CLIP1: variants seen among roughly 807,000 people sequenced by gnomAD.
CLIP1 encodes the protein CAP-Gly domain-containing linker protein 1.
In CLIP1, 66 loss-of-function variants were observed where a neutral mutation model predicts 161.6. The observed-to-expected ratio is 0.41, with a 90% CI of 0.33 to 0.50. The LOEUF (loss-of-function observed/expected upper bound fraction) is 0.50, where lower values mean the gene tolerates loss of function less well. Ranked by LOEUF, CLIP1 falls within the 20% of genes least tolerant of loss-of-function variation. CLIP1 has a pLI of 0.27. For synonymous variants in CLIP1, 598 were observed against 626.2 expected (o/e 0.96, Z 0.67); for missense variants, 1,376 against 1,702.0 (o/e 0.81, Z 3.37).
chr12:122,351,549 TA>T (rs1351032777), intron 8 of CLIP1, among the ~76,000 whole-genome samples: 5 of 152,230 alleles, frequency 3.3e-5, no homozygotes, highest in Non-Finnish European at 5.9e-5. Flanking sequence ...ACTGTAAAGA[TA>T]CATTTATTTT....
rs1955225784 is a variant in CLIP1, at chr12:122,272,779, CAT to C, written c.*94_*95del. The C allele has an allele frequency of 5.7e-6, 6 of 1,061,434 alleles. No homozygotes were observed. Among genetic ancestry groups the C allele is most frequent in the African/African-American group, 3.2e-5 (2 of 63,486 alleles). The allele number at this position is 1,061,434 out of a possible 1,614,324, so 65.8% of individuals were successfully genotyped here. On this transcript the variant is annotated 3_prime_UTR_variant, in exon 26 of 26. Coordinates refer to ENST00000620786, the MANE Select transcript of CLIP1 (RefSeq NM_001247997.2). ...ATTTGTTGACGGGGTTAAAAAATAA[CAT>C]GAGTTCTCCTGAAGTCTGCACACAC... is the stretch of plus-strand genomic sequence containing the variant.
intron 1 of CLIP1, among the ~76,000 whole-genome samples, chr12:122,409,123 C>A (rs746659977): frequency 7.0e-6 from 1 of 142,262 alleles, no homozygotes; most frequent in East Asian, 2.2e-4. Flanking sequence ...TAATATTTTT[C>A]TTTTCTTTTT....
chr12:122,349,961 G>A (rs796364273), intron 9 of CLIP1, among the ~76,000 whole-genome samples: 24 of 151,492 alleles, frequency 1.6e-4, no homozygotes, highest in African/African-American at 5.8e-4. Context: ...CTGGAGTGCA[G>A]TGGCATGATC....
chr12:122,422,033 A>C (rs947402493), intron 1 of CLIP1, among the ~76,000 whole-genome samples: 1 of 152,170 alleles, frequency 6.6e-6, no homozygotes, highest in African/African-American at 2.4e-5. Context: ...GGTGCCCTCC[A>C]TGCCGGATCG....
chr12:122,313,021 T>C (rs1188523495), intron 19 of CLIP1, among the ~76,000 whole-genome samples: 3 of 152,188 alleles, frequency 2.0e-5, no homozygotes, highest in African/African-American at 7.2e-5. Flanking sequence ...CAGAAGGCCC[T>C]GGAAATCTGA....
intron 21 of CLIP1, among the ~76,000 whole-genome samples, chr12:122,287,081 G>A (rs867843218): frequency 6.6e-6 from 1 of 151,990 alleles, no homozygotes; most frequent in Non-Finnish European, 1.5e-5. Context: ...CTGAGAGGTC[G>A]GAAGATCAAT....
intron 10 of CLIP1, chr12:122,342,158 A>G (rs1952540245): frequency 1.3e-5 from 2 of 152,468 alleles, no homozygotes; most frequent in South Asian, 4.1e-4. Flanking sequence ...GAACGTTTAT[A>G]GGTTAATATA....
intron 1 of CLIP1, among the ~76,000 whole-genome samples, chr12:122,385,918 A>ATG (rs1308854578): frequency 6.6e-6 from 1 of 152,144 alleles, no homozygotes; most frequent in East Asian, 1.9e-4. Context: ...GAGGCTGGTG[A>ATG]TAGACAAGTT....
At chr12:122,292,861 G>A (rs1273448719) in intron 20 of CLIP1, among the ~76,000 whole-genome samples, 4 of 151,766 alleles carry the variant, frequency 2.6e-5, no homozygotes, top group Admixed American at 6.6e-5. Flanking sequence ...AAATTAGCCG[G>A]GCGCGGTGGT....
At chr12:122,330,675 CGGCACCCT>C (rs1951915948) in intron 15 of CLIP1, among the ~76,000 whole-genome samples, 1 of 141,514 alleles carries the variant, frequency 7.1e-6, no homozygotes, top group African/African-American at 2.6e-5. Flanking sequence ...TCTGAGCTCA[CGGCACCCT>C]CTGCCTCCCA....
intron 5 of CLIP1, chr12:122,356,099 G>C (rs1953334747): frequency 6.6e-6 from 1 of 152,188 alleles, no homozygotes; most frequent in African/African-American, 2.4e-5. Flanking sequence ...TTTTGTTCTT[G>C]AAATTACTTA....
intron 17 of CLIP1, chr12:122,324,271 T>TA (rs1264682129): frequency 6.6e-6 from 1 of 152,648 alleles, no homozygotes; most frequent in African/African-American, 2.4e-5. Context: ...TTTCTAACTT[T>TA]AAATCATTTC....
chr12:122,343,954 A>C (rs1418165406), intron 10 of CLIP1: 1 of 152,310 alleles, frequency 6.6e-6, no homozygotes, highest in African/African-American at 2.4e-5. Flanking sequence ...GAGGTGGTAC[A>C]TGCCTATATA....
At chr12:122,373,200 G>A (rs1172524226) in intron 3 of CLIP1, among the ~76,000 whole-genome samples, 1 of 152,110 alleles carries the variant, frequency 6.6e-6, no homozygotes, top group African/African-American at 2.4e-5. Flanking sequence ...AGAGGCAGGT[G>A]GATTGCCTGA....
intron 1 of CLIP1, among the ~76,000 whole-genome samples, chr12:122,406,823 T>C (rs1030900776): frequency 2.0e-5 from 3 of 151,982 alleles, no homozygotes; most frequent in Non-Finnish European, 4.4e-5. Context: ...CTGATGCAAC[T>C]GCCTGCAATT....
At position 122,341,068 on chromosome 12, in the gene CLIP1, G is replaced by A. The variant is rs376514670; in HGVS notation, c.2136C>T (p.Ala712=). Reference sequence around the variant, plus strand: ...CTGCTTTGTCCAGTTTCGACCTGATGGCTTCCAGACTGTTTTCCTTTTCTT... The same window carrying A: ...CTGCTTTGTCCAGTTTCGACCTGATAGCTTCCAGACTGTTTTCCTTTTCTT... ...VIKEKENSLE[A]IRSKLDKAED... Residue 712 remains alanine (A), a synonymous_variant, in exon 11 of 26, where the codon GCC becomes GCT. Coordinates refer to ENST00000620786, the MANE Select transcript of CLIP1 (RefSeq NM_001247997.2). 4 of 1,613,854 alleles carry A rather than the reference G, an allele frequency of 2.5e-6. No homozygotes were observed. In the African/African-American group the frequency reaches 4.0e-5, roughly 16 times the overall value.
At chr12:122,309,667 C>T (rs1333595975) in intron 20 of CLIP1, 95 bp downstream of exon 20, 4 of 1,469,464 alleles carry the variant, frequency 2.7e-6, no homozygotes, top group Non-Finnish European at 3.7e-6. Flanking sequence ...GACCCCACCA[C>T]ACTGAGCAGA....
At chr12:122,278,133 G>T in intron 24 of CLIP1, 21 bp downstream of exon 24, 1 of 1,599,036 alleles carries the variant, frequency 6.3e-7, no homozygotes, top group Non-Finnish European at 8.5e-7. Context: ...AGAAAGTAAA[G>T]CAATAAGGCA....
intron 15 of CLIP1, among the ~76,000 whole-genome samples, chr12:122,330,603 T>TTTTTTTTGTTTTTTTTTTTTTG (rs1788910693): frequency 2.2e-5 from 3 of 138,714 alleles, no homozygotes; most frequent in South Asian, 4.8e-4. Context: ...TGCAGTTTTT[T>TTTTTTTTGTTTTTTTTTTTTTG]TTTTTTTTTT....
Sources: allele counts gnomAD v4.1 joint callset (sites outside exome capture counted in the v4.1 genomes callset), GRCh38; gene constraint gnomAD v4.1.1; transcripts MANE v1.5; gene names NCBI Gene and HGNC (gene_info 2026-07-23, HGNC 2026-07-21).